The following CDK6 variants were observed in gnomAD, a reference collection of about 807,000 sequenced individuals.
CDK6 encodes the protein cyclin dependent kinase 6.
CDK6 carries 6 observed loss-of-function variants against 37.1 expected under a neutral mutation model. The observed-to-expected ratio is 0.16, with a 90% CI of 0.09 to 0.32. The LOEUF is 0.32. CDK6 is among the 10% of genes least tolerant of loss of function. CDK6 has a pLI of 1.00. For synonymous variants in CDK6, 160 were observed against 161.3 expected (o/e 0.99, Z 0.06); for missense variants, 224 against 418.9 (o/e 0.53, Z 4.06).
At chr7:92,805,983 AAGTT>A (rs1800714857) in intron 2 of CDK6, among the ~76,000 whole-genome samples, 1 of 152,188 alleles carries the variant, frequency 6.6e-6, no homozygotes, top group Admixed American at 6.5e-5. Context: ...GATGATGAAA[AAGTT>A]CTGGAGATAG....
At chr7:92,750,174 T>G (rs1799155698) in intron 3 of CDK6, among the ~76,000 whole-genome samples, 1 of 152,232 alleles carries the variant, frequency 6.6e-6, no homozygotes, top group Non-Finnish European at 1.5e-5. Flanking sequence ...CACATTTATA[T>G]GGCTTTTGGA....
chr7:92,744,169 C>T (rs1799000068), intron 3 of CDK6, among the ~76,000 whole-genome samples: 1 of 152,166 alleles, frequency 6.6e-6, no homozygotes, highest in African/African-American at 2.4e-5. Context: ...TCTGTTCTCA[C>T]ACTGCTAATA....
At chr7:92,733,094 T>C (rs529191666) in intron 3 of CDK6, among the ~76,000 whole-genome samples, 1 of 152,348 alleles carries the variant, frequency 6.6e-6, no homozygotes, top group South Asian at 2.1e-4. Context: ...TTAACTTAAA[T>C]ATGTTATGAA....
At chr7:92,711,874 C>T (rs1156251384) in intron 4 of CDK6, among the ~76,000 whole-genome samples, 1 of 150,126 alleles carries the variant, frequency 6.7e-6, no homozygotes, top group Admixed American at 6.7e-5. Context: ...GTGGAATGTT[C>T]AAATTTTAAA....
chr7:92,610,092 C>T lies in CDK6; in HGVS notation c.*5048G>A, dbSNP rs1795529595. On this transcript the variant is annotated 3_prime_UTR_variant, in exon 8 of 8. Transcript: ENST00000424848. ...GATTTGTTTTTCTCTAAAAGTGCCA[C>T]CTTGTGGAATATACCGGAATAAAAC... 2.6e-5 allele frequency: 6 copies of T among 230,442 alleles called. No individual in the cohort carries two copies. In the Admixed American group the frequency reaches 3.4e-4, roughly 13 times the overall value. 14.3% of individuals were successfully genotyped at this position (230,442 alleles called of 1,614,324 possible).
intron 5 of CDK6, among the ~76,000 whole-genome samples, chr7:92,669,798 C>T (rs575020232): frequency 6.6e-6 from 1 of 152,330 alleles, no homozygotes; most frequent in South Asian, 2.1e-4. Context: ...CTGCCCATCC[C>T]TGGTCATACT....
intron 6 of CDK6, among the ~76,000 whole-genome samples, chr7:92,620,960 T>C (rs968620044): frequency 6.6e-6 from 1 of 152,172 alleles, no homozygotes; most frequent in Non-Finnish European, 1.5e-5. Context: ...TAAAAAAAAT[T>C]TGGTTTCATG....
intron 4 of CDK6, among the ~76,000 whole-genome samples, chr7:92,679,046 A>C (rs548534800): frequency 6.6e-6 from 1 of 152,206 alleles, no homozygotes; most frequent in Non-Finnish European, 1.5e-5. Context: ...GACTGCGAGT[A>C]AGACTCAGGT....
At chr7:92,723,921 A>T (rs983020179) in intron 4 of CDK6, among the ~76,000 whole-genome samples, 1 of 152,016 alleles carries the variant, frequency 6.6e-6, no homozygotes, top group East Asian at 1.9e-4. Flanking sequence ...AAAAAAAAAA[A>T]AAAAAAATCA....
chr7:92,801,767 G>A (rs550526542), intron 2 of CDK6, among the ~76,000 whole-genome samples: 7 of 152,124 alleles, frequency 4.6e-5, no homozygotes, highest in South Asian at 2.1e-4. Context: ...GCCCACAGGC[G>A]TGCGCCATCA....
At chr7:92,695,439 G>A (rs556278603) in intron 4 of CDK6, among the ~76,000 whole-genome samples, 12 of 152,278 alleles carry the variant, frequency 7.9e-5, no homozygotes, top group African/African-American at 2.6e-4. Context: ...CAAACAAATG[G>A]CAGATAAAAG....
intron 6 of CDK6, among the ~76,000 whole-genome samples, chr7:92,618,984 C>A (rs1795743101): frequency 6.6e-6 from 1 of 152,156 alleles, no homozygotes; most frequent in Admixed American, 6.5e-5. Context: ...GGACAAATTA[C>A]TTAACATCTA....
chr7:92,728,035 C>A (rs1312706519), intron 3 of CDK6, among the ~76,000 whole-genome samples: 1 of 152,218 alleles, frequency 6.6e-6, no homozygotes, highest in African/African-American at 2.4e-5. Flanking sequence ...AAGAATAAAT[C>A]TGTTTGGTTC....
chr7:92,769,633 T>C (rs1174497101), intron 3 of CDK6, among the ~76,000 whole-genome samples: 1 of 152,142 alleles, frequency 6.6e-6, no homozygotes, highest in African/African-American at 2.4e-5. Flanking sequence ...CAAGACTAAA[T>C]ACCAAATGAA....
chr7:92,798,923 CTCT>C (rs1800490749), intron 2 of CDK6, among the ~76,000 whole-genome samples: 1 of 152,210 alleles, frequency 6.6e-6, no homozygotes, highest in African/African-American at 2.4e-5. Context: ...AAGTGTCCTC[CTCT>C]TCAAGACGAA....
chr7:92,634,249 C>T (rs1307562795), intron 5 of CDK6, among the ~76,000 whole-genome samples: 15 of 152,052 alleles, frequency 9.9e-5, no homozygotes, highest in Admixed American at 9.8e-4. Flanking sequence ...CATTTTTCCC[C>T]CATGAAATTG....
chr7:92,632,826 T>C (rs1372337078), intron 5 of CDK6, among the ~76,000 whole-genome samples: 1 of 151,890 alleles, frequency 6.6e-6, no homozygotes, highest in Admixed American at 6.6e-5. Context: ...ATACGCATTG[T>C]GGAAAATTTG....
At chr7:92,658,388 A>G (rs1322012545) in intron 5 of CDK6, among the ~76,000 whole-genome samples, 2 of 152,222 alleles carry the variant, frequency 1.3e-5, no homozygotes, top group Admixed American at 6.5e-5. Flanking sequence ...AAGAAATTAA[A>G]TTATGAAATA....
intron 7 of CDK6, 59 bp from the exon 8 acceptor site, chr7:92,615,345 T>A (rs2116478118): frequency 7.2e-7 from 1 of 1,388,706 alleles, no homozygotes. Flanking sequence ...AATAATGTAC[T>A]TACAGAGTTA....
Sources: allele counts gnomAD v4.1 joint callset (sites outside exome capture counted in the v4.1 genomes callset), GRCh38; gene constraint gnomAD v4.1.1; transcripts MANE v1.5; gene names NCBI Gene and HGNC (gene_info 2026-07-23, HGNC 2026-07-21).